DSG4: variants seen among roughly 807,000 people sequenced by gnomAD.
The protein encoded by DSG4 is desmoglein 4.
In DSG4, 87 loss-of-function variants were observed where a neutral mutation model predicts 93.1. The observed-to-expected ratio is 0.93, with a 90% CI of 0.79 to 1.12. The LOEUF (loss-of-function observed/expected upper bound fraction) is 1.12. Among genes scored for constraint, DSG4 ranks in the 50% most tolerant of loss-of-function variants. DSG4 has a pLI of 0.00. For missense variants in DSG4, 1,373 were observed against 1,285.7 expected (o/e 1.07, Z -1.04); for synonymous variants, 432 against 452.9 (o/e 0.95, Z 0.59).
At chr18:31,404,395 C>A (rs2072402338) in intron 11 of DSG4, among the ~76,000 whole-genome samples, 4 of 152,188 alleles carry the variant, frequency 2.6e-5, no homozygotes, top group Admixed American at 2.6e-4. Flanking sequence ...AACATTTTAT[C>A]TACCTTGCGT....
chr18:31,382,080 C>T (rs554927878), intron 1 of DSG4, among the ~76,000 whole-genome samples: 1 of 152,214 alleles, frequency 6.6e-6, no homozygotes. Context: ...GACAGGGAAC[C>T]GTCATCAACC....
chr18:31,391,463 T>C (rs1380865405), intron 7 of DSG4, among the ~76,000 whole-genome samples: 1 of 152,186 alleles, frequency 6.6e-6, no homozygotes, highest in Non-Finnish European at 1.5e-5. Flanking sequence ...GTATACTCTA[T>C]TCACAGAAAC....
chr18:31,400,735 T>C (rs2072355791), intron 9 of DSG4, 146 bp from the exon 10 acceptor site: 1 of 740,738 alleles, frequency 1.3e-6, no homozygotes, highest in Non-Finnish European at 2.2e-6. Flanking sequence ...TTTATTGATA[T>C]ATATGTACTT....
chr18:31,385,093 A>G, intron 1 of DSG4, 43 bp from the exon 2 acceptor site: 1 of 1,553,744 alleles, frequency 6.4e-7, no homozygotes, highest in Non-Finnish European at 8.9e-7. Flanking sequence ...CTTCCTCTAA[A>G]TTATGCAAAT....
chr18:31,392,838 A>C (rs2144182813), intron 8 of DSG4, among the ~76,000 whole-genome samples: 1 of 152,330 alleles, frequency 6.6e-6, no homozygotes, highest in East Asian at 1.9e-4. Context: ...CAGAGTGAGA[A>C]AACATGAAGC....
rs748579354 is a variant in DSG4, at chr18:31,391,151, G to A, written c.758G>A (p.Cys253Tyr). The A allele has an allele frequency of 6.2e-7, 1 of 1,613,778 alleles. No homozygotes were observed. Among genetic ancestry groups the A allele is most frequent in the Non-Finnish European group, 8.5e-7 (1 of 1,179,772 alleles). The part of the protein sequence containing the change: ...DGAADGLSSE[C>Y]DCRIKVLDVN... ...GCTGCAGATGGACTGTCTTCTGAGT[G>A]TGACTGTAGAATCAAGGTTTTAGAC... The change falls in exon 7 of 16, where the codon TGT (cysteine) becomes TAT (tyrosine). Residue 253 changes from cysteine to tyrosine, a missense_variant. Transcript: ENST00000308128.
At chr18:31,383,929 G>C (rs1016188862) in intron 1 of DSG4, among the ~76,000 whole-genome samples, 13 of 152,090 alleles carry the variant, frequency 8.5e-5, no homozygotes, top group Non-Finnish European at 1.8e-4. Context: ...GGACCTAAAG[G>C]AGTTGTCAAC....
At position 31,406,303 on chromosome 18, in the gene DSG4, T is replaced by C. The variant is rs1302288656; in HGVS notation, c.1863T>C (p.Ala621=). Reference sequence around the variant, plus strand: ...ATGGGCCTGTCACTGAAGACCAAGCTGGAGTTTCAAATGTTGGTCTTGGAC... The same window carrying C: ...ATGGGCCTGTCACTGAAGACCAAGCCGGAGTTTCAAATGTTGGTCTTGGAC... ...DTYGPVTEDQ[A]GVSNVGLGPA... Residue 621 remains alanine, a synonymous_variant, in exon 12 of 16, where the codon GCT becomes GCC. Coordinates refer to ENST00000308128, the MANE Select transcript of DSG4 (RefSeq NM_177986.5). 6.2e-7 allele frequency: 1 copy of C among 1,614,122 alleles called. No homozygotes were observed. Among genetic ancestry groups the C allele is most frequent in the African/African-American group, 1.3e-5 (1 of 74,950 alleles).
chr18:31,409,792 T>C lies in DSG4; in HGVS notation c.2121T>C (p.Asp707=). 1 of 1,614,194 alleles carries C rather than the reference T, an allele frequency of 6.2e-7. No homozygotes were observed. The highest frequency in any genetic ancestry group is 2.2e-5 in the East Asian group (1 of 44,882). Reference sequence around the variant, plus strand: ...CCATGACAGCCTCAAATACCCAGGATCGGATGGATTCCTCTGGTCAGTAGA... The same window carrying C: ...CCATGACAGCCTCAAATACCCAGGACCGGATGGATTCCTCTGGTCAGTAGA... ...CAPMTASNTQ[D]RMDSSEIYTN... Residue 707 remains aspartate, a synonymous_variant, in exon 14 of 16, where the codon GAT becomes GAC. Transcript: ENST00000308128.
chr18:31,403,358 G>GA, intron 10 of DSG4, 58 bp from the exon 11 acceptor site: 1 of 1,402,942 alleles, frequency 7.1e-7, no homozygotes, highest in South Asian at 1.2e-5. Flanking sequence ...GGGGATATGA[G>GA]AAAGAGTTTT....
rs76399598 is a variant in DSG4, at chr18:31,388,918, G to C, written c.417G>C (p.Arg139Ser). 411 of 1,613,626 alleles carry C rather than the reference G, an allele frequency of 2.5e-4. 2 individuals carry two copies. Among genetic ancestry groups the C allele is most frequent in the Non-Finnish European group, 3.2e-4 (381 of 1,179,672 alleles). ...ALNSRGEDLERPLELRVKVMD... is the reference protein window; with the variant it reads ...ALNSRGEDLESPLELRVKVMD... ...ATTCACGGGGTGAAGATTTAGAAAG[G>C]CCTCTTGAGCTTAGAGTCAAAGTTA... is the stretch of plus-strand genomic sequence containing the variant. Residue 139 changes from arginine (R) to serine (S), a missense_variant, in exon 5 of 16, where the codon AGG becomes AGC. Physicochemically the swap from Arg to Ser is moderately radical, Grantham distance 110. Coordinates refer to ENST00000308128, the MANE Select transcript of DSG4 (RefSeq NM_177986.5).
chr18:31,408,338 A>C (rs1031583170), intron 12 of DSG4, among the ~76,000 whole-genome samples: 1 of 152,252 alleles, frequency 6.6e-6, no homozygotes, highest in Non-Finnish European at 1.5e-5. Context: ...GATCCAGCTC[A>C]CATTTAAATT....
chr18:31,395,914 G>A (rs1398685917), intron 8 of DSG4, among the ~76,000 whole-genome samples: 4 of 152,048 alleles, frequency 2.6e-5, no homozygotes, highest in South Asian at 2.1e-4. Flanking sequence ...ACTTGAACGC[G>A]GACCAGGGAG....
At chr18:31,400,767 C>A in intron 9 of DSG4, 114 bp from the exon 10 acceptor site, 2 of 1,047,862 alleles carry the variant, frequency 1.9e-6, no homozygotes, top group Non-Finnish European at 2.8e-6. Context: ...AGGCAATCAT[C>A]ACTATAAAAC....
intron 3 of DSG4, among the ~76,000 whole-genome samples, chr18:31,388,030 A>C (rs1568062744): frequency 6.6e-6 from 1 of 152,188 alleles, no homozygotes; most frequent in Non-Finnish European, 1.5e-5. Context: ...AAAAAATAGT[A>C]AATGTTGTAA....
At position 31,404,486 on chromosome 18, in the gene DSG4, A is replaced by G. The variant is rs146481549; in HGVS notation, c.1636+852A>G. On this transcript the variant is annotated intron_variant, in intron 11 of 15. Coordinates refer to ENST00000308128, the MANE Select transcript of DSG4 (RefSeq NM_177986.5). ...TCATATGGGCTAAGATAGCTCCCCA[A>G]TCTCATATTCATTTGGGGCTACAGG... Among the ~76,000 whole-genome samples, 58 of 152,308 alleles carry G rather than the reference A, an allele frequency of 3.8e-4. 1 individual carries two copies. The highest frequency in any genetic ancestry group is 1.4e-3 in the African/African-American group (57 of 41,562).
rs139940348 is a variant in DSG4, at chr18:31,386,716, C to G, written c.113C>G (p.Thr38Ser). The G allele has an allele frequency of 1.2e-5, 20 of 1,613,202 alleles. No individual in the cohort carries two copies. The African/African-American group carries it at 2.5e-4, about 20-fold the overall frequency. ...EVKEFDIENG[T>S]TKWQTVRRQK... Reference sequence around the variant, plus strand: ...AAGGAATTTGACATTGAAAATGGCACTACAAAATGGCAAACAGTCAGAAGA... The same window carrying G: ...AAGGAATTTGACATTGAAAATGGCAGTACAAAATGGCAAACAGTCAGAAGA... The change falls in exon 3 of 16, where the codon ACT (threonine) becomes AGT (serine). Residue 38 changes from threonine (T) to serine (S), a missense_variant. Coordinates refer to ENST00000308128, the MANE Select transcript of DSG4 (RefSeq NM_177986.5).
chr18:31,411,508 A>G (rs2072492740), intron 15 of DSG4, 60 bp downstream of exon 15: 3 of 1,570,654 alleles, frequency 1.9e-6, no homozygotes, highest in African/African-American at 1.4e-5. Flanking sequence ...TAATAGTAAA[A>G]TACTCACAAT....
intron 15 of DSG4, 110 bp from the exon 16 acceptor site, chr18:31,412,718 A>G (rs897395753): frequency 9.0e-7 from 1 of 1,115,836 alleles, no homozygotes; most frequent in Non-Finnish European, 1.3e-6. Flanking sequence ...ACCATTATTC[A>G]GTTTATTCCG....
Sources: gnomAD v4.1 joint callset for allele counts (sites outside exome capture counted in the v4.1 genomes callset) on GRCh38, gnomAD v4.1.1 for gene constraint, MANE v1.5 for transcripts, NCBI Gene and HGNC (gene_info 2026-07-23, HGNC 2026-07-21) for gene names.